Variants in CSMD1 observed in about 807,000 individuals in gnomAD.
CSMD1 encodes the protein CUB and sushi domain-containing protein 1.
CSMD1 carries 213 observed loss-of-function variants against 417.5 expected under a neutral mutation model. The observed-to-expected ratio is 0.51, with a 90% CI of 0.46 to 0.57. The LOEUF (loss-of-function observed/expected upper bound fraction) is 0.57. CSMD1 is among the 20% of genes least tolerant of loss of function. The pLI is 0.00. For synonymous variants in CSMD1, 2,862 were observed against 1,736.8 expected, an observed-to-expected ratio of 1.65 and a Z score of -16.11; for missense variants, 6,923 against 4,529.7, an observed-to-expected ratio of 1.53 and a Z score of -15.17.
chr8:3,499,503 G>T (rs938696903), intron 10 of CSMD1, among the ~76,000 whole-genome samples: 1 of 152,068 alleles, frequency 6.6e-6, no homozygotes, highest in African/African-American at 2.4e-5. Flanking sequence ...GCTTGGAGTG[G>T]GGGGAGTGTT....
At chr8:3,651,591 G>C (rs1045625308) in intron 7 of CSMD1, among the ~76,000 whole-genome samples, 3 of 152,002 alleles carry the variant, frequency 2.0e-5, no homozygotes, top group African/African-American at 7.3e-5. Context: ...CACTAGAATA[G>C]CCCCTGCCCC....
chr8:4,180,707 G>T (rs945629022), intron 3 of CSMD1, among the ~76,000 whole-genome samples: 2 of 152,104 alleles, frequency 1.3e-5, no homozygotes, highest in Non-Finnish European at 2.9e-5. Context: ...GGTTGTCATG[G>T]AACTCACCTT....
intron 10 of CSMD1, among the ~76,000 whole-genome samples, chr8:3,518,917 G>C (rs921320170): frequency 3.9e-5 from 6 of 152,186 alleles, no homozygotes; most frequent in African/African-American, 1.4e-4. Flanking sequence ...GAGAGCTGTT[G>C]AATCTCCTCA....
intron 1 of CSMD1, among the ~76,000 whole-genome samples, chr8:4,739,348 C>G (rs543571071): frequency 2.0e-5 from 3 of 152,272 alleles, no homozygotes; most frequent in Non-Finnish European, 4.4e-5. Context: ...GGAATTTTAC[C>G]TTACTGTAAA....
chr8:4,513,644 G>A (rs1030991942), intron 2 of CSMD1, among the ~76,000 whole-genome samples: 3 of 152,162 alleles, frequency 2.0e-5, no homozygotes, highest in African/African-American at 7.2e-5. Context: ...GAAGTTAAAG[G>A]AAGAGTTCTT....
At chr8:3,503,414 G>C (rs953228975) in intron 10 of CSMD1, among the ~76,000 whole-genome samples, 1 of 152,196 alleles carries the variant, frequency 6.6e-6, no homozygotes, top group African/African-American at 2.4e-5. Context: ...ATTCAGGGTG[G>C]GAAATAAAGT....
At chr8:4,878,814 A>G (rs192815153) in intron 1 of CSMD1, among the ~76,000 whole-genome samples, 2 of 151,932 alleles carry the variant, frequency 1.3e-5, no homozygotes, top group African/African-American at 4.8e-5. Flanking sequence ...AAGCTGAAAA[A>G]CAGTACAGAG....
Position 4,032,035 on chromosome 8 carries a change from T to G in CSMD1, c.480A>C (p.Arg160Ser), listed in dbSNP as rs770114728. The G allele has an allele frequency of 1.2e-6, 2 of 1,613,972 alleles. No individual in the cohort carries two copies. The highest frequency in any genetic ancestry group is 2.2e-5 in the South Asian group (2 of 91,084). The change falls in exon 4 of 70, where the codon AGA becomes AGC. Residue 160 changes from arginine (R) to serine (S), a missense_variant. Physicochemically the swap from Arg to Ser is moderately radical, Grantham distance 110. Coordinates refer to ENST00000635120, the MANE Select transcript of CSMD1 (RefSeq NM_033225.6). ...ACCGGATTTTGTCTCCTATGTTGAATCTCGTTCCATGCAGAACTCCTTTCA... is the reference window on the plus strand; with the variant it reads ...ACCGGATTTTGTCTCCTATGTTGAAGCTCGTTCCATGCAGAACTCCTTTCA... ...EILKGVLHGT[R>S]FNIGDKIRYS...
At chr8:3,926,063 C>A (rs1809660393) in intron 5 of CSMD1, among the ~76,000 whole-genome samples, 1 of 138,096 alleles carries the variant, frequency 7.2e-6, no homozygotes, top group Non-Finnish European at 1.5e-5. Context: ...TACACACACA[C>A]ACACACACAC....
chr8:3,176,638 G>A (rs1820952909), intron 37 of CSMD1, among the ~76,000 whole-genome samples: 1 of 152,064 alleles, frequency 6.6e-6, no homozygotes, highest in Non-Finnish European at 1.5e-5. Flanking sequence ...GTAGAGATCT[G>A]CAAAAAAGAA....
At chr8:4,412,347 G>T (rs992766077) in intron 3 of CSMD1, among the ~76,000 whole-genome samples, 2 of 134,362 alleles carry the variant, frequency 1.5e-5, no homozygotes, top group Non-Finnish European at 3.3e-5. Context: ...GAACTGAAAA[G>T]TGTGTGGCAC....
intron 7 of CSMD1, among the ~76,000 whole-genome samples, chr8:3,664,243 C>T (rs1405401913): frequency 6.6e-6 from 1 of 152,120 alleles, no homozygotes; most frequent in Admixed American, 6.5e-5. Context: ...TTCAAGTGTT[C>T]TCATTGTTCA....
chr8:4,602,379 A>T (rs1800636545), intron 2 of CSMD1, among the ~76,000 whole-genome samples: 1 of 152,150 alleles, frequency 6.6e-6, no homozygotes, highest in African/African-American at 2.4e-5. Context: ...GCCAGGAGAG[A>T]TCCACTATTA....
chr8:3,648,050 T>A (rs533517640), intron 7 of CSMD1, among the ~76,000 whole-genome samples: 1 of 152,340 alleles, frequency 6.6e-6, no homozygotes, highest in African/African-American at 2.4e-5. Flanking sequence ...TCTACCTGCA[T>A]GGTTGGAGAT....
intron 1 of CSMD1, among the ~76,000 whole-genome samples, chr8:4,842,610 G>T (rs6558922): frequency 6.6e-6 from 1 of 152,070 alleles, no homozygotes; most frequent in African/African-American, 2.4e-5. Context: ...GGGAACCCGG[G>T]TGCCTATGTG....
chr8:4,350,899 A>C (rs961678686), intron 3 of CSMD1, among the ~76,000 whole-genome samples: 17 of 152,234 alleles, frequency 1.1e-4, no homozygotes, highest in African/African-American at 3.9e-4. Flanking sequence ...TGTGCATTCT[A>C]AGGTGGGCCG....
chr8:4,687,836 TACACACACAC>T (rs35687334), intron 1 of CSMD1, among the ~76,000 whole-genome samples: 1,843 of 149,194 alleles, frequency 0.012, 25 homozygotes, highest in Middle Eastern at 0.034. Flanking sequence ...CATACATACA[TACACACACAC>T]ACACACACAC....
chr8:4,331,387 GTCT>G (rs1398276790), intron 3 of CSMD1, among the ~76,000 whole-genome samples: 1 of 152,218 alleles, frequency 6.6e-6, no homozygotes, highest in Admixed American at 6.5e-5. Context: ...GTTGCGAGGT[GTCT>G]ACAGTTTTTC....
Position 4,184,737 on chromosome 8 carries a change from A to C in CSMD1, c.416-152638T>G, listed in dbSNP as rs562053059. Among the ~76,000 whole-genome samples, 98 of 151,248 alleles carry C rather than the reference A, an allele frequency of 6.5e-4. 2 individuals are homozygous for C. Among genetic ancestry groups the C allele is most frequent in the Admixed American group, 4.6e-3 (70 of 15,100 alleles). ...GGGAGGGGACCGTGAAAAATAACTA[A>C]TGGGTACTGGGCTTAATACCTGGGT... is the stretch of plus-strand genomic sequence containing the variant. On this transcript the variant is annotated intron_variant, in intron 3 of 69. Coordinates refer to ENST00000635120, the MANE Select transcript of CSMD1 (RefSeq NM_033225.6).
Sources: gnomAD v4.1 joint callset for allele counts (sites outside exome capture counted in the v4.1 genomes callset) on GRCh38, gnomAD v4.1.1 for gene constraint, MANE v1.5 for transcripts, NCBI Gene and HGNC (gene_info 2026-07-23, HGNC 2026-07-21) for gene names.